Variants in KLHL33 observed in about 807,000 individuals in gnomAD.
KLHL33 encodes the protein kelch like family member 33.
KLHL33 carries 46 observed loss-of-function variants against 60.8 expected under a neutral mutation model. The observed-to-expected ratio is 0.76, with a 90% confidence interval of 0.60 to 0.97. The LOEUF is 0.97. Ranked by LOEUF, KLHL33 falls within the 50% of genes least tolerant of loss-of-function variation. The pLI is 0.00. For missense variants in KLHL33, 1,055 were observed against 1,000.0 expected, an observed-to-expected ratio of 1.05 and a Z score of -0.74; for synonymous variants, 434 against 432.2, an observed-to-expected ratio of 1.00 and a Z score of -0.05.
Position 20,430,560 on chromosome 14 carries a change from C to G in KLHL33, c.908G>C (p.Arg303Thr). The change falls in exon 3 of 5, where the codon AGG becomes ACG. Residue 303 changes from arginine (R) to threonine (T), a missense_variant. Transcript: ENST00000636854. ...GGCAGCTCTCAGTAGCCCTGGCCAC[C>G]TTGCCCGCACAACTCCGGAGTAAGC... is the stretch of plus-strand genomic sequence containing the variant. ...SFAYSGVVRA[R>T]WPGLLRAAQA... is the part of the protein sequence containing the mutation. The G allele has an allele frequency of 6.5e-7, 1 of 1,540,250 alleles. No homozygotes were observed. The highest frequency in any genetic ancestry group is 8.7e-7 in the Non-Finnish European group (1 of 1,147,004).
chr14:20,430,858 G>A lies in KLHL33; in HGVS notation c.749-139C>T, dbSNP rs549201130. 26 of 608,244 alleles carry A rather than the reference G, an allele frequency of 4.3e-5. No homozygotes were observed. In the South Asian group the frequency reaches 4.8e-4, roughly 11 times the overall value. The allele number at this position is 608,244 out of a possible 1,614,324, so 37.7% of individuals were successfully genotyped here. On this transcript the variant is annotated intron_variant, in intron 2 of 4. Transcript: ENST00000636854. Reference sequence around the variant, plus strand: ...ACCCACTGCTACAGACCAAACTGTGGTGTGCATCAGAATACCATGGGGTAG... The same window carrying A: ...ACCCACTGCTACAGACCAAACTGTGATGTGCATCAGAATACCATGGGGTAG...
chr14:20,434,853 G>A (rs1446072711), intron 2 of KLHL33, among the ~76,000 whole-genome samples: 7 of 152,208 alleles, frequency 4.6e-5, no homozygotes, highest in Non-Finnish European at 5.9e-5. Context: ...CAGAGGGTCA[G>A]TTTAAATCTG....
intron 2 of KLHL33, among the ~76,000 whole-genome samples, chr14:20,433,430 T>TGAAC (rs1880585730): frequency 6.6e-6 from 1 of 152,234 alleles, no homozygotes; most frequent in South Asian, 2.1e-4. Flanking sequence ...CCACTGTCTT[T>TGAAC]TAAGCAGTAG....
At chr14:20,432,250 G>T (rs1047850220) in intron 2 of KLHL33, among the ~76,000 whole-genome samples, 9 of 152,048 alleles carry the variant, frequency 5.9e-5, no homozygotes, top group African/African-American at 2.2e-4. Context: ...GATTAGCTGG[G>T]ACTACAGGTG....
intron 2 of KLHL33, among the ~76,000 whole-genome samples, chr14:20,434,161 A>C (rs1880609267): frequency 6.6e-6 from 1 of 152,240 alleles, no homozygotes; most frequent in African/African-American, 2.4e-5. Context: ...TCAGGTACCC[A>C]GTGCCTCACT....
intron 2 of KLHL33, among the ~76,000 whole-genome samples, chr14:20,433,499 G>A (rs1396130076): frequency 6.6e-6 from 1 of 152,176 alleles, no homozygotes; most frequent in Non-Finnish European, 1.5e-5. Context: ...AATATATATT[G>A]TCTGAGAAAA....
chr14:20,431,871 G>A (rs1340483642), intron 2 of KLHL33, among the ~76,000 whole-genome samples: 4 of 152,200 alleles, frequency 2.6e-5, no homozygotes, highest in African/African-American at 9.7e-5. Flanking sequence ...GCATGCTTGT[G>A]TACCAATACC....
rs1390416795 is a variant in KLHL33 at position 20,430,512 on chromosome 14, C to G, written c.956G>C (p.Ser319Thr). The G allele has an allele frequency of 5.2e-6, 8 of 1,548,116 alleles. No homozygotes were observed. The highest frequency in any genetic ancestry group is 7.0e-6 in the Non-Finnish European group (8 of 1,147,030). Residue 319 changes from serine (S) to threonine (T), a missense_variant, in exon 3 of 5, where the codon AGC (serine) becomes ACC (threonine). Physicochemically the swap from Ser to Thr is moderately conservative, Grantham distance 58 (BLOSUM62 1). Coordinates refer to ENST00000636854, the MANE Select transcript of KLHL33 (RefSeq NM_001365790.2). ...CTGACACAAATCCAAGCAGGAAGAG[C>G]TCTGGTACTGCAGAGCAGCCTGGGC... ...RAAQAALQYQ[S>T]SSCLDLCQKG...
At chr14:20,435,018 G>A in intron 2 of KLHL33, 46 bp downstream of exon 2, 1 of 1,226,694 alleles carries the variant, frequency 8.2e-7, no homozygotes, top group Non-Finnish European at 1.0e-6. Flanking sequence ...ACACCATTCC[G>A]TTAGCATATG....
In KLHL33 at chr14:20,429,419, A is replaced by G; in HGVS notation, c.1842-18T>C. On this transcript the variant is annotated intron_variant, in intron 4 of 4. Transcript: ENST00000636854. ...GTGCTGGCCTAAGGGAGAACAGGAC[A>G]CAAGATAAGGCAACTAGCATCTTCA... 6.4e-7 allele frequency: 1 copy of G among 1,550,874 alleles called. No individual in the cohort carries two copies. The highest frequency in any genetic ancestry group is 1.2e-5 in the South Asian group (1 of 84,042).
In KLHL33 at chr14:20,428,738, TGA is replaced by T. The variant is rs371272395; in HGVS notation, c.*109_*110del. The T allele has an allele frequency of 6.6e-5, 64 of 968,592 alleles. No individual in the cohort carries two copies. The Middle Eastern group carries it at 1.1e-3, about 16-fold the overall frequency. 60.0% of individuals were successfully genotyped at this position (968,592 alleles called of 1,614,324 possible). ...CAAAAGCAGTTTACAATGCACAGTG[TGA>T]GAATAAAATACTACCAAGAATAAAG... On this transcript the variant is annotated 3_prime_UTR_variant, in exon 5 of 5. Transcript: ENST00000636854.
Position 20,435,798 on chromosome 14 carries a change from T to C in KLHL33, c.14A>G (p.Asp5Gly). MSVS[D>G]TPHYPPELES... The stretch of plus-strand genomic sequence containing the variant: ...CAGCTCAGGGGGATAATGTGGGGTG[T>C]CCGAGACGCTCATGCCGAGGTTTGC... Residue 5 changes from aspartate to glycine, a missense_variant, in exon 2 of 5, where the codon GAC becomes GGC. By Grantham distance (94) the Asp-to-Gly change is moderately conservative. Coordinates refer to ENST00000636854, the MANE Select transcript of KLHL33 (RefSeq NM_001365790.2). 1 of 1,234,590 alleles carries C rather than the reference T, an allele frequency of 8.1e-7. No individual in the cohort carries two copies. The allele number at this position is 1,234,590 out of a possible 1,614,324, so 76.5% of individuals were successfully genotyped here. A position where few individuals can be genotyped will look rare whatever the true frequency, so the allele number is the denominator to read the frequency against.
chr14:20,430,233 G>C lies in KLHL33; in HGVS notation c.1235C>G (p.Pro412Arg). 1 of 1,551,556 alleles carries C rather than the reference G, an allele frequency of 6.4e-7. No individual in the cohort carries two copies. Among genetic ancestry groups the C allele is most frequent in the South Asian group, 1.2e-5 (1 of 84,066 alleles). ...CTTGGCCTCTGACTCCTGGGTCTCG[G>C]GGTTGGCAGCCAGCCAACACCGTGC... is the stretch of plus-strand genomic sequence containing the variant. Reference protein sequence around the residue: ...VAARCWLAANPETQESEAKAL... With the variant: ...VAARCWLAANRETQESEAKAL... Residue 412 changes from proline to arginine, a missense_variant, in exon 3 of 5, where the codon CCC becomes CGC. Pro to Arg is a moderately radical substitution (Grantham distance 103, BLOSUM62 -2). Coordinates refer to ENST00000636854, the MANE Select transcript of KLHL33 (RefSeq NM_001365790.2).
Position 20,427,899 on chromosome 14 carries a change from G to A in KLHL33, c.*950C>T, listed in dbSNP as rs1357750755. 1 of 152,194 alleles carries A rather than the reference G, an allele frequency of 6.6e-6. No homozygotes were observed. The highest frequency in any genetic ancestry group is 1.5e-5 in the Non-Finnish European group (1 of 68,068). The allele number at this position is 152,194 out of a possible 1,614,324, so 9.4% of individuals were successfully genotyped here. A position where few individuals can be genotyped will look rare whatever the true frequency, so the allele number is the denominator to read the frequency against. On this transcript the variant is annotated 3_prime_UTR_variant, in exon 5 of 5. Transcript: ENST00000636854. ...GGGAAATGGATTTAAAAATAACTCT[G>A]GGGGAAAGGAACTGAAAGGGGGAAA...
rs952999124 is a variant in KLHL33, at chr14:20,429,888, C to T, written c.1580G>A (p.Arg527Gln). The T allele has an allele frequency of 3.1e-5, 48 of 1,551,870 alleles. No homozygotes were observed. In the East Asian group the frequency reaches 3.2e-4, roughly 10 times the overall value. ...LPALPAPGRF[R>Q]HGAASLAGSE... is the part of the protein sequence containing the mutation. ...TCCTGCCAGGCTTGCAGCCCCATGC[C>T]GGAAGCGTCCGGGGGCAGGCAGGGC... Residue 527 changes from arginine to glutamine, a missense_variant, in exon 3 of 5, where the codon CGG becomes CAG. Physicochemically the swap from Arg to Gln is conservative, Grantham distance 43 (BLOSUM62 1). Coordinates refer to ENST00000636854, the MANE Select transcript of KLHL33 (RefSeq NM_001365790.2).
In KLHL33 at chr14:20,428,078, C is replaced by T. The variant is rs1880347777; in HGVS notation, c.*771G>A. 1 of 152,324 alleles carries T rather than the reference C, an allele frequency of 6.6e-6. No individual in the cohort carries two copies. Among genetic ancestry groups the T allele is most frequent in the Non-Finnish European group, 1.5e-5 (1 of 68,086 alleles). The allele number at this position is 152,324 out of a possible 1,614,324, so 9.4% of individuals were successfully genotyped here. ...ACACAGGCTTCTGACTTCTTCCACCCCATCTCCTTAAACCTCAGATCATCT... is the reference window on the plus strand; with the variant it reads ...ACACAGGCTTCTGACTTCTTCCACCTCATCTCCTTAAACCTCAGATCATCT... On this transcript the variant is annotated 3_prime_UTR_variant, in exon 5 of 5. Transcript: ENST00000636854.
At position 20,428,707 on chromosome 14, in the gene KLHL33, T is replaced by C. The variant is rs1443795141; in HGVS notation, c.*142A>G. ...ACCACCATTTCCTCAACGGAGATCA[T>C]ACGTACAAAAGCAGTTTACAATGCA... On this transcript the variant is annotated 3_prime_UTR_variant, in exon 5 of 5. Transcript: ENST00000636854. 1.3e-6 allele frequency: 1 copy of C among 755,688 alleles called. No individual in the cohort carries two copies. The highest frequency in any genetic ancestry group is 2.7e-5 in the East Asian group (1 of 36,694). 46.8% of individuals were successfully genotyped at this position (755,688 alleles called of 1,614,324 possible).
chr14:20,430,011 T>A lies in KLHL33; in HGVS notation c.1457A>T (p.Asp486Val). The A allele has an allele frequency of 1.9e-6, 3 of 1,551,730 alleles. No homozygotes were observed. The highest frequency in any genetic ancestry group is 2.6e-6 in the Non-Finnish European group (3 of 1,146,998). ...TCGGGATGGTTGTCTTAGGGCCATG[T>A]CTGGTCTGAGCCCATCCCCGCCAAT... The part of the protein sequence containing the change: ...VVIGGDGLRP[D>V]MALRQPSRAV... Residue 486 changes from aspartate to valine, a missense_variant, in exon 3 of 5, where the codon GAC (aspartate) becomes GTC (valine). Transcript: ENST00000636854.
Position 20,430,153 on chromosome 14 carries a change from C to T in KLHL33, c.1315G>A (p.Val439Met), listed in dbSNP as rs1054264893. The change falls in exon 3 of 5, where the codon GTG becomes ATG. Residue 439 changes from valine to methionine, a missense_variant. Val to Met is a conservative substitution (Grantham distance 21). Coordinates refer to ENST00000636854, the MANE Select transcript of KLHL33 (RefSeq NM_001365790.2). ...GGTGGAAGTAGCCCGGCTGCCCGCACCCTCCGCAACTCCCTGGTGGACATG... is the reference window on the plus strand; with the variant it reads ...GGTGGAAGTAGCCCGGCTGCCCGCATCCTCCGCAACTCCCTGGTGGACATG... ...GRMSTRELRR[V>M]RAAGLLPPLT... is the part of the protein sequence containing the mutation. 12 of 1,551,590 alleles carry T rather than the reference C, an allele frequency of 7.7e-6. No individual in the cohort carries two copies. In the Admixed American group the frequency reaches 2.0e-4, roughly 25 times the overall value.
Sources: allele counts gnomAD v4.1 joint callset (sites outside exome capture counted in the v4.1 genomes callset), GRCh38; gene constraint gnomAD v4.1.1; transcripts MANE v1.5; gene names NCBI Gene and HGNC (gene_info 2026-07-23, HGNC 2026-07-21).